The following HMCN1 variants were observed in gnomAD, a reference collection of about 807,000 sequenced individuals.
HMCN1 encodes hemicentin-1.
HMCN1 carries 321 observed loss-of-function variants against 625.9 expected under a neutral mutation model. The ratio of observed to expected loss-of-function variants is 0.51; its 90% CI spans 0.47 to 0.56. The LOEUF (loss-of-function observed/expected upper bound fraction) is 0.56, where lower values mean the gene tolerates loss of function less well. HMCN1 is among the 20% of genes least tolerant of loss of function. The pLI is 0.00. For missense variants in HMCN1, 6,588 were observed against 6,887.3 expected, an observed-to-expected ratio of 0.96 and a Z score of 1.54; for synonymous variants, 2,425 against 2,417.6, an observed-to-expected ratio of 1.00 and a Z score of -0.09.
chr1:185,854,122 G>A (rs1218009822), intron 2 of HMCN1, among the ~76,000 whole-genome samples: 2 of 151,838 alleles, frequency 1.3e-5, no homozygotes, highest in Non-Finnish European at 2.9e-5. Context: ...TCTACAGACA[G>A]GATTCCTAGA....
At chr1:186,058,042 T>G (rs1267630439) in intron 46 of HMCN1, among the ~76,000 whole-genome samples, 1 of 151,970 alleles carries the variant, frequency 6.6e-6, no homozygotes, top group Non-Finnish European at 1.5e-5. Context: ...ATAAAAAGCT[T>G]AGATACTTAG....
At chr1:185,890,048 T>C (rs1030102483) in intron 4 of HMCN1, among the ~76,000 whole-genome samples, 11 of 151,750 alleles carry the variant, frequency 7.2e-5, no homozygotes, top group African/African-American at 1.2e-4. Context: ...GGAGAGTGTA[T>C]GTGTCAAGGA....
At chr1:186,061,424 C>T (rs1404042834) in intron 46 of HMCN1, among the ~76,000 whole-genome samples, 1 of 152,096 alleles carries the variant, frequency 6.6e-6, no homozygotes, top group Admixed American at 6.6e-5. Context: ...AGGTCACCTC[C>T]ACCAGGTCCC....
chr1:185,849,031 T>C (rs952681650), intron 2 of HMCN1, among the ~76,000 whole-genome samples: 2 of 152,148 alleles, frequency 1.3e-5, no homozygotes, highest in Non-Finnish European at 2.9e-5. Flanking sequence ...AGTTTCTGCC[T>C]TGTACCATAT....
intron 78 of HMCN1, 29 bp from the exon 79 acceptor site, chr1:186,119,716 C>T (rs760075007): frequency 6.3e-5 from 101 of 1,611,778 alleles, no homozygotes; most frequent in Non-Finnish European, 8.1e-5. Context: ...AGTGCTATTA[C>T]TTCTTTTTGT....
chr1:185,755,291 G>A (rs1012953540), intron 1 of HMCN1, among the ~76,000 whole-genome samples: 5 of 152,030 alleles, frequency 3.3e-5, no homozygotes, highest in African/African-American at 1.2e-4. Context: ...ATACATTTTT[G>A]TTATTGCACG....
In HMCN1 at chr1:186,023,291, T is replaced by G. The variant is rs1654843605; in HGVS notation, c.5749+138T>G. On this transcript the variant is annotated intron_variant, in intron 36 of 106. Transcript: ENST00000271588. ...GTCTGTATAAAAAAAACCTAGGGTT[T>G]TTTTTTTTTTTTTACATTATTGTAA... 1.2e-5 allele frequency: 8 copies of G among 672,532 alleles called. No homozygotes were observed. In the South Asian group the frequency reaches 1.3e-4, roughly 11 times the overall value. The allele number at this position is 672,532 out of a possible 1,614,324, so 41.7% of individuals were successfully genotyped here. A position where few individuals can be genotyped will look rare whatever the true frequency, so the allele number is the denominator to read the frequency against.
At chr1:186,025,157 G>A (rs1048360284) in intron 36 of HMCN1, among the ~76,000 whole-genome samples, 3 of 152,026 alleles carry the variant, frequency 2.0e-5, no homozygotes, top group Non-Finnish European at 2.9e-5. Flanking sequence ...AATAGGGTTC[G>A]TACTCCTAGG....
intron 4 of HMCN1, among the ~76,000 whole-genome samples, chr1:185,897,830 C>T (rs1019346098): frequency 6.6e-6 from 1 of 152,062 alleles, no homozygotes; most frequent in Admixed American, 6.6e-5. Flanking sequence ...GATAAGGTCC[C>T]CTCTTGTGAT....
intron 86 of HMCN1, among the ~76,000 whole-genome samples, chr1:186,135,021 G>T (rs904230138): frequency 8.5e-5 from 13 of 152,142 alleles, no homozygotes; most frequent in African/African-American, 3.1e-4. Context: ...CCATCTCCAT[G>T]TTGTGTCTTT....
chr1:185,867,948 AG>A (rs1300593182), intron 4 of HMCN1, among the ~76,000 whole-genome samples: 6 of 152,118 alleles, frequency 3.9e-5, no homozygotes, highest in Non-Finnish European at 8.8e-5. Context: ...ACGTACCCAT[AG>A]TCCCAGCTAC....
Position 186,055,484 on chromosome 1 carries a change from T to A in HMCN1, c.6954T>A (p.Gly2318=). 6.2e-7 allele frequency: 1 copy of A among 1,612,832 alleles called. No individual in the cohort carries two copies. The highest frequency in any genetic ancestry group is 8.5e-7 in the Non-Finnish European group (1 of 1,179,262). The change falls in exon 45 of 107, where the codon GGT becomes GGA. Residue 2318 remains glycine, a synonymous_variant. Transcript: ENST00000271588. ...KSISLECEVQ[G]IPPPTVTWMK... ...TCTCCTTGGAGTGTGAGGTGCAGGG[T>A]ATTCCACCACCAACAGTGACCTGGA...
rs112347890 is a variant in HMCN1, at chr1:185,825,648, T to A, written c.269-20378T>A. 7.4e-3 allele frequency among the ~76,000 whole-genome samples: 1,133 copies of A among 152,298 alleles called. 11 individuals are homozygous for A. The highest frequency in any genetic ancestry group is 0.025 in the African/African-American group (1,058 of 41,574). ...ATGTTACCTTTATTCAAAGTTTACA[T>A]TTTAGGTAGGGGGTAGATCAACATT... On this transcript the variant is annotated intron_variant, in intron 1 of 106. Coordinates refer to ENST00000271588, the MANE Select transcript of HMCN1 (RefSeq NM_031935.3).
intron 1 of HMCN1, among the ~76,000 whole-genome samples, chr1:185,744,616 C>T (rs1327941414): frequency 1.3e-5 from 2 of 152,172 alleles, no homozygotes; most frequent in African/African-American, 2.4e-5. Flanking sequence ...TTACAATATA[C>T]TATACTATGC....
chr1:186,025,705 A>C (rs1482174711), intron 36 of HMCN1, among the ~76,000 whole-genome samples: 1 of 152,206 alleles, frequency 6.6e-6, no homozygotes, highest in East Asian at 1.9e-4. Flanking sequence ...CGGGAGATGC[A>C]ATTAGGGTGC....
chr1:186,085,886 T>C (rs1659449078), intron 57 of HMCN1, among the ~76,000 whole-genome samples: 1 of 152,142 alleles, frequency 6.6e-6, no homozygotes, highest in African/African-American at 2.4e-5. Flanking sequence ...TCTCCTTCTC[T>C]ACAGCACTTA....
intron 86 of HMCN1, 107 bp downstream of exon 86, chr1:186,132,516 CAG>C: frequency 1.2e-6 from 1 of 859,452 alleles, no homozygotes; most frequent in Non-Finnish European, 1.9e-6. Flanking sequence ...TGGTAGCTCT[CAG>C]AGTGTGTCTA....
intron 1 of HMCN1, among the ~76,000 whole-genome samples, chr1:185,809,179 TAAA>T (rs1319507375): frequency 1.3e-5 from 2 of 152,082 alleles, no homozygotes; most frequent in Non-Finnish European, 2.9e-5. Context: ...TTCACCATAG[TAAA>T]AACCCCATTT....
chr1:185,779,667 T>C (rs998538224), intron 1 of HMCN1, among the ~76,000 whole-genome samples: 3 of 152,172 alleles, frequency 2.0e-5, no homozygotes, highest in Admixed American at 2.0e-4. Context: ...AGATGTGTGG[T>C]ATTATTACTG....
Sources: allele counts gnomAD v4.1 joint callset (sites outside exome capture counted in the v4.1 genomes callset), GRCh38; gene constraint gnomAD v4.1.1; transcripts MANE v1.5; gene names NCBI Gene and HGNC (gene_info 2026-07-23, HGNC 2026-07-21).